NAALADL2: variants seen among roughly 807,000 people sequenced by gnomAD.
The protein encoded by NAALADL2 is inactive N-acetylated-alpha-linked acidic dipeptidase-like protein 2.
In NAALADL2, 76 loss-of-function variants were observed where a neutral mutation model predicts 87.2. The ratio of observed to expected loss-of-function variants is 0.87; its 90% CI spans 0.72 to 1.05. The LOEUF is 1.05. Ranked by LOEUF, NAALADL2 falls within the 50% of genes least tolerant of loss-of-function variation. The probability of loss-of-function intolerance (pLI) is 0.00; values close to 1 mark genes in which losing one functional copy is unlikely to be tolerated. For synonymous variants in NAALADL2, 354 were observed against 331.0 expected (o/e 1.07, Z -0.75); for missense variants, 1,089 against 945.8 (o/e 1.15, Z -1.99).
intron 1 of NAALADL2, among the ~76,000 whole-genome samples, chr3:174,481,382 C>T (rs1321680383): frequency 6.6e-6 from 1 of 152,004 alleles, no homozygotes; most frequent in Non-Finnish European, 1.5e-5. Flanking sequence ...GAGGTTGTGT[C>T]ACATATGGTT....
At chr3:175,011,497 A>G (rs1749820755) in intron 1 of NAALADL2, among the ~76,000 whole-genome samples, 1 of 152,304 alleles carries the variant, frequency 6.6e-6, no homozygotes, top group African/African-American at 2.4e-5. Context: ...AGTAAAGCCA[A>G]TATTCAGGTA....
chr3:174,907,939 T>C (rs1255888940), intron 1 of NAALADL2, among the ~76,000 whole-genome samples: 1 of 151,960 alleles, frequency 6.6e-6, no homozygotes, highest in Non-Finnish European at 1.5e-5. Flanking sequence ...ATGTGTACTT[T>C]AGAAAGTATC....
intron 2 of NAALADL2, among the ~76,000 whole-genome samples, chr3:174,700,938 G>A (rs934607063): frequency 3.8e-4 from 58 of 152,254 alleles, no homozygotes; most frequent in Middle Eastern, 3.4e-3. Flanking sequence ...ATGGAGCTTA[G>A]CATTGTAGGA....
In NAALADL2 at chr3:175,495,094, T is replaced by TATATATATATA. The variant is rs1167550415; in HGVS notation, c.1653+23336_1653+23337insATATATATATA. 2.6e-3 allele frequency among the ~76,000 whole-genome samples: 343 copies of TATATATATATA among 133,242 alleles called. 1 individual carries two copies. Among genetic ancestry groups the TATATATATATA allele is most frequent in the Middle Eastern group, 0.016 (4 of 250 alleles). The allele number at this position is 133,242 out of a possible 152,430, so 87.4% of individuals were successfully genotyped here. On this transcript the variant is annotated intron_variant, in intron 9 of 13. Coordinates refer to ENST00000454872, the MANE Select transcript of NAALADL2 (RefSeq NM_207015.3). Reference sequence around the variant, plus strand: ...ATCCCATATATATATATATATATATTTTTTTTTAATTTTAGATTATTTCTA... The same window carrying TATATATATATA: ...ATCCCATATATATATATATATATATTATATATATATATTTTTTTAATTTTAGATTATTTCTA...
At chr3:175,597,845 C>T (rs1722445398) in intron 10 of NAALADL2, among the ~76,000 whole-genome samples, 1 of 151,932 alleles carries the variant, frequency 6.6e-6, no homozygotes, top group African/African-American at 2.4e-5. Flanking sequence ...TTAGAGTTTG[C>T]ACAGTTTCTA....
chr3:175,273,643 G>A (rs1430761384), intron 4 of NAALADL2, among the ~76,000 whole-genome samples: 1 of 151,598 alleles, frequency 6.6e-6, no homozygotes, highest in Non-Finnish European at 1.5e-5. Context: ...GTTGTTTAAG[G>A]AAATAGAAAA....
intron 9 of NAALADL2, among the ~76,000 whole-genome samples, chr3:175,535,025 A>T (rs1372170185): frequency 6.6e-6 from 1 of 152,176 alleles, no homozygotes; most frequent in African/African-American, 2.4e-5. Flanking sequence ...TTTGGCTTCA[A>T]CCTGCTTCCC....
intron 1 of NAALADL2, among the ~76,000 whole-genome samples, chr3:174,978,936 A>C (rs1744731557): frequency 6.6e-6 from 1 of 152,210 alleles, no homozygotes; most frequent in South Asian, 2.1e-4. Context: ...CTGGTGATAA[A>C]TAATTTCACA....
intron 4 of NAALADL2, among the ~76,000 whole-genome samples, chr3:175,317,636 T>C (rs1339236815): frequency 6.6e-6 from 1 of 152,034 alleles, no homozygotes; most frequent in African/African-American, 2.4e-5. Context: ...TATAGATGGA[T>C]AAGTGGCCCA....
chr3:174,642,637 T>C (rs1223391198), intron 2 of NAALADL2, among the ~76,000 whole-genome samples: 1 of 151,660 alleles, frequency 6.6e-6, no homozygotes, highest in Admixed American at 6.6e-5. Flanking sequence ...TTCCTTGGGC[T>C]AATAAGAACC....
At chr3:175,601,270 C>T (rs1431571086) in intron 10 of NAALADL2, among the ~76,000 whole-genome samples, 2 of 152,010 alleles carry the variant, frequency 1.3e-5, no homozygotes, top group African/African-American at 4.8e-5. Flanking sequence ...ATTAATAACA[C>T]CATATTAATA....
chr3:175,072,148 G>C (rs1715768800), intron 1 of NAALADL2, among the ~76,000 whole-genome samples: 1 of 152,024 alleles, frequency 6.6e-6, no homozygotes, highest in African/African-American at 2.4e-5. Flanking sequence ...CAGGACTGTT[G>C]AAAGAGTTCT....
chr3:174,794,238 C>T (rs1426006210), intron 3 of NAALADL2, among the ~76,000 whole-genome samples: 1 of 151,970 alleles, frequency 6.6e-6, no homozygotes, highest in Non-Finnish European at 1.5e-5. Context: ...AATGTGATTG[C>T]TCTAGTATTT....
At chr3:174,958,109 G>T (rs578248371) in intron 1 of NAALADL2, among the ~76,000 whole-genome samples, 1 of 146,458 alleles carries the variant, frequency 6.8e-6, no homozygotes, top group African/African-American at 2.5e-5. Flanking sequence ...CTTGCTTTCT[G>T]TTTAAGCATT....
At chr3:174,982,246 A>G (rs577553253) in intron 1 of NAALADL2, among the ~76,000 whole-genome samples, 1 of 152,292 alleles carries the variant, frequency 6.6e-6, no homozygotes, top group Non-Finnish European at 1.5e-5. Flanking sequence ...CAGGTCAACA[A>G]CAATTTACTG....
chr3:174,963,289 T>C (rs1007457489), intron 1 of NAALADL2, among the ~76,000 whole-genome samples: 3 of 152,112 alleles, frequency 2.0e-5, no homozygotes, highest in African/African-American at 7.2e-5. Context: ...TGGTAAACTT[T>C]TATAGGATTA....
intron 1 of NAALADL2, among the ~76,000 whole-genome samples, chr3:174,505,576 TG>T (rs35913157): frequency 0.56 from 85,574 of 151,954 alleles, 24,143 homozygotes; most frequent in South Asian, 0.64. Flanking sequence ...TATCTTTTAT[TG>T]GGAGCTATAA....
intron 9 of NAALADL2, among the ~76,000 whole-genome samples, chr3:175,488,387 G>A (rs1727608437): frequency 6.6e-6 from 1 of 152,210 alleles, no homozygotes; most frequent in South Asian, 2.1e-4. Context: ...TGTGGGATAT[G>A]TTAAGCATTA....
chr3:175,704,742 A>G (rs932472944), intron 11 of NAALADL2, among the ~76,000 whole-genome samples: 1 of 152,182 alleles, frequency 6.6e-6, no homozygotes, highest in South Asian at 2.1e-4. Flanking sequence ...AAGCATATTC[A>G]TATTTCCCCA....
Sources: gnomAD v4.1 joint callset for allele counts (sites outside exome capture counted in the v4.1 genomes callset) on GRCh38, gnomAD v4.1.1 for gene constraint, MANE v1.5 for transcripts, NCBI Gene and HGNC (gene_info 2026-07-23, HGNC 2026-07-21) for gene names.